Variants in TENM2 observed in about 807,000 individuals in gnomAD.
TENM2 encodes the protein teneurin transmembrane protein 2, also known as teneurin-2.
TENM2 carries 52 observed loss-of-function variants against 245.2 expected under a neutral mutation model. The ratio of observed to expected loss-of-function variants is 0.21; its 90% CI spans 0.17 to 0.27. The LOEUF is 0.27. TENM2 is among the 10% of genes least tolerant of loss of function. The pLI is 1.00. For synonymous variants in TENM2, 1,363 were observed against 1,438.9 expected (o/e 0.95, Z 1.19); for missense variants, 3,046 against 3,666.8 (o/e 0.83, Z 4.37).
At chr5:167,735,942 A>G (rs1760766917) in intron 2 of TENM2, among the ~76,000 whole-genome samples, 1 of 152,150 alleles carries the variant, frequency 6.6e-6, no homozygotes, top group Admixed American at 6.5e-5. Flanking sequence ...AGCATATACA[A>G]TCTAGGGGGG....
intron 2 of TENM2, among the ~76,000 whole-genome samples, chr5:167,554,744 G>T (rs1773153078): frequency 6.6e-6 from 1 of 152,180 alleles, no homozygotes; most frequent in Non-Finnish European, 1.5e-5. Flanking sequence ...TTTGACCCCA[G>T]GGCCTGTATT....
chr5:167,837,644 C>T (rs1032298916), intron 2 of TENM2, among the ~76,000 whole-genome samples: 3 of 152,148 alleles, frequency 2.0e-5, no homozygotes, highest in African/African-American at 7.2e-5. Context: ...ATTAAGATAT[C>T]CATATTCTTA....
At chr5:167,663,862 G>A (rs533743415) in intron 2 of TENM2, among the ~76,000 whole-genome samples, 84 of 152,134 alleles carry the variant, frequency 5.5e-4, no homozygotes, top group Admixed American at 1.2e-3. Flanking sequence ...ACTTCTAGAA[G>A]TTCATTTTAT....
chr5:167,194,703 A>G, the TENM2 span, among the ~76,000 whole-genome samples: 2 of 152,006 alleles, frequency 1.3e-5, no homozygotes, highest in African/African-American at 4.8e-5. Context: ...TTTAGCAAGG[A>G]TCATTATCCC....
Position 167,481,265 on chromosome 5 carries a change from G to A in TENM2, c.502+105792G>A, listed in dbSNP as rs537170368. On this transcript the variant is annotated intron_variant, in intron 2 of 28. Coordinates refer to ENST00000518659, the Ensembl canonical transcript of TENM2. ...AACTGCAGCCCACAGACCAAATATGGCCTGCTGCCTGTTCCTGTACAGTCC... is the reference window on the plus strand; with the variant it reads ...AACTGCAGCCCACAGACCAAATATGACCTGCTGCCTGTTCCTGTACAGTCC... 2.0e-5 allele frequency among the ~76,000 whole-genome samples: 3 copies of A among 152,262 alleles called. No homozygotes were observed. In the East Asian group the frequency reaches 5.8e-4, roughly 29 times the overall value.
In TENM2 at chr5:168,215,090, C is replaced by CGCTCTA. The variant is rs1562289650; in HGVS notation, c.3897_3902dup (p.Leu1300_Tyr1301insTer). 6.2e-7 allele frequency: 1 copy of CGCTCTA among 1,613,824 alleles called. No individual in the cohort carries two copies. The highest frequency in any genetic ancestry group is 1.1e-5 in the South Asian group (1 of 91,060). On this transcript the variant is annotated stop_gained and inframe_insertion, in exon 21 of 29. Coordinates refer to ENST00000518659, the Ensembl canonical transcript of TENM2. LOFTEE classifies it high-confidence loss of function. ...TTGGCAGTGGACCCCGTGTCCGGCT[C>CGCTCTA]GCTCTACGTGTCCGACACCAACAGC...
chr5:167,983,573 A>AT (rs1783007473), intron 4 of TENM2, among the ~76,000 whole-genome samples: 1 of 152,104 alleles, frequency 6.6e-6, no homozygotes, highest in South Asian at 2.1e-4. Flanking sequence ...TTGAAAGCCT[A>AT]TTTTTTTCCT....
chr5:167,431,191 C>G (rs1429970613), intron 2 of TENM2, among the ~76,000 whole-genome samples: 1 of 152,146 alleles, frequency 6.6e-6, no homozygotes, highest in East Asian at 1.9e-4. Flanking sequence ...GTCATTAAGA[C>G]AATTATCAAT....
At chr5:167,224,066 A>T in the TENM2 span, among the ~76,000 whole-genome samples, 1 of 152,134 alleles carries the variant, frequency 6.6e-6, no homozygotes, top group East Asian at 1.9e-4. Flanking sequence ...GTGTTGTTTG[A>T]GTTCCTTGTA....
At chr5:167,441,866 G>C (rs930701502) in intron 2 of TENM2, among the ~76,000 whole-genome samples, 36 of 152,202 alleles carry the variant, frequency 2.4e-4, no homozygotes, top group Non-Finnish European at 4.4e-5. Context: ...CAACTATAGA[G>C]AAGGGTCACA....
At chr5:167,898,291 G>A (rs996614508) in intron 3 of TENM2, among the ~76,000 whole-genome samples, 1 of 152,042 alleles carries the variant, frequency 6.6e-6, no homozygotes, top group African/African-American at 2.4e-5. Context: ...CTGGACCTAG[G>A]GAATTGGAAA....
At chr5:168,063,282 C>G (rs1034662044) in intron 7 of TENM2, among the ~76,000 whole-genome samples, 1 of 152,138 alleles carries the variant, frequency 6.6e-6, no homozygotes, top group Non-Finnish European at 1.5e-5. Flanking sequence ...AGATTATTCA[C>G]AGCATTGGAA....
exon 14 of TENM2, chr5:168,190,417 G>A: frequency 6.2e-7 from 1 of 1,613,978 alleles, no homozygotes; most frequent in Non-Finnish European, 8.5e-7. Context: ...GGGGTCCCGG[G>A]ACCCACTGGA....
At chr5:168,079,111 A>G (rs1791743205) in intron 7 of TENM2, among the ~76,000 whole-genome samples, 1 of 152,114 alleles carries the variant, frequency 6.6e-6, no homozygotes, top group Non-Finnish European at 1.5e-5. Flanking sequence ...TTTGTTGAGC[A>G]GTGGTTTGTA....
intron 5 of TENM2, among the ~76,000 whole-genome samples, chr5:167,994,491 C>T (rs1783903454): frequency 6.6e-6 from 1 of 152,254 alleles, no homozygotes; most frequent in African/African-American, 2.4e-5. Context: ...AGGGGCATGA[C>T]TGTGCACCCC....
At chr5:167,795,743 G>C (rs1471848136) in intron 2 of TENM2, among the ~76,000 whole-genome samples, 1 of 152,150 alleles carries the variant, frequency 6.6e-6, no homozygotes, top group Non-Finnish European at 1.5e-5. Context: ...ATACATTAAG[G>C]CAAACAGTAG....
At chr5:167,900,111 TA>T (rs71853736) in intron 3 of TENM2, among the ~76,000 whole-genome samples, 59 of 43,452 alleles carry the variant, frequency 1.4e-3, no homozygotes, top group African/African-American at 6.5e-3. Context: ...CTCAACCCAC[TA>T]AAAAAAAAAA....
At chr5:168,040,621 T>G (rs1788104188) in intron 5 of TENM2, among the ~76,000 whole-genome samples, 1 of 152,232 alleles carries the variant, frequency 6.6e-6, no homozygotes, top group Non-Finnish European at 1.5e-5. Context: ...CCCTTTAAGA[T>G]TTAAATTTTT....
the TENM2 span, among the ~76,000 whole-genome samples, chr5:167,136,081 T>A: frequency 6.6e-6 from 1 of 152,250 alleles, no homozygotes; most frequent in African/African-American, 2.4e-5. Context: ...ATGATCATTT[T>A]TAAATTGATT....
Sources: gnomAD v4.1 joint callset for allele counts (sites outside exome capture counted in the v4.1 genomes callset) on GRCh38, gnomAD v4.1.1 for gene constraint, MANE v1.5 for transcripts, NCBI Gene and HGNC (gene_info 2026-07-23, HGNC 2026-07-21) for gene names.